Variants in VPS4A observed in about 807,000 individuals in gnomAD.
VPS4A encodes the protein vacuolar protein sorting 4 homolog A.
A neutral mutation model predicts 52.3 loss-of-function variants in VPS4A; 20 were observed. The observed-to-expected ratio is 0.38, with a 90% CI of 0.27 to 0.56. The LOEUF (loss-of-function observed/expected upper bound fraction) is 0.56. Among genes scored for constraint, VPS4A ranks in the 20% least tolerant of loss-of-function variants. The pLI, the probability that VPS4A is intolerant of heterozygous loss-of-function variation, is 0.72. For synonymous variants in VPS4A, 293 were observed against 227.7 expected (o/e 1.29, Z -2.58); for missense variants, 419 against 575.9 (o/e 0.73, Z 2.79).
chr16:69,325,676 T>C lies in VPS4A; in HGVS notation c.*1367T>C, dbSNP rs1597216605. On this transcript the variant is annotated 3_prime_UTR_variant, in exon 11 of 11. Coordinates refer to ENST00000254950, the MANE Select transcript of VPS4A (RefSeq NM_013245.3). ...TGAACCCGGGGGACGGAGCTTGCAG[T>C]GAGCCGAGATCGCGCCACTGCACTC... 6.8e-6 allele frequency: 1 copy of C among 147,090 alleles called. No homozygotes were observed. Among genetic ancestry groups the C allele is most frequent in the African/African-American group, 2.5e-5 (1 of 39,218 alleles). 9.1% of individuals were successfully genotyped at this position (147,090 alleles called of 1,614,324 possible).
At position 69,311,418 on chromosome 16, in the gene VPS4A, G is replaced by T; in HGVS notation, c.-94G>T. ...GCACCGCGCTCAGCGCCCACCGCCG[G>T]GCTTCCCGCGCCGGACCCAGTACCT... On this transcript the variant is annotated 5_prime_UTR_variant, in exon 1 of 11. Coordinates refer to ENST00000254950, the MANE Select transcript of VPS4A (RefSeq NM_013245.3). 1.7e-6 allele frequency: 2 copies of T among 1,211,824 alleles called. No homozygotes were observed. The highest frequency in any genetic ancestry group is 1.6e-5 in the African/African-American group (1 of 63,104). The allele number at this position is 1,211,824 out of a possible 1,614,324, so 75.1% of individuals were successfully genotyped here.
chr16:69,323,580 G>A lies in VPS4A; in HGVS notation c.1213-628G>A, dbSNP rs571408266. The A allele has an allele frequency of 8.8e-5, 40 of 453,902 alleles. No individual in the cohort carries two copies. In the East Asian group the frequency reaches 2.2e-3, roughly 24 times the overall value. 28.1% of individuals were successfully genotyped at this position (453,902 alleles called of 1,614,324 possible). On this transcript the variant is annotated intron_variant, in intron 10 of 10. Coordinates refer to ENST00000254950, the MANE Select transcript of VPS4A (RefSeq NM_013245.3). ...ACTGTGACGCAGTTGCAAAGGCAGC[G>A]CCTCACCTGCATAGCCTGGCCCGTG... is the stretch of plus-strand genomic sequence containing the variant.
At chr16:69,312,222 C>T (rs1386296822) in intron 1 of VPS4A, among the ~76,000 whole-genome samples, 1 of 151,900 alleles carries the variant, frequency 6.6e-6, no homozygotes, top group Non-Finnish European at 1.5e-5. Flanking sequence ...GTTTCCTGGT[C>T]TGTAAAATGG....
At chr16:69,319,314 G>C in intron 5 of VPS4A, 73 bp from the exon 6 acceptor site, 1 of 1,580,320 alleles carries the variant, frequency 6.3e-7, no homozygotes, top group East Asian at 2.2e-5. Flanking sequence ...GTATGTATGG[G>C]ACTCGAGACC....
Position 69,326,090 on chromosome 16 carries a change from A to T in VPS4A, c.*1781A>T, listed in dbSNP as rs1039027688. ...CAGAAAGACCTGGCCTAGTAAATGA[A>T]GCTTATAGCCTGCAAAGGGCTTTGT... On this transcript the variant is annotated 3_prime_UTR_variant, in exon 11 of 11. Transcript: ENST00000254950. The T allele has an allele frequency of 1.3e-5, 2 of 152,530 alleles. No homozygotes were observed. Among genetic ancestry groups the T allele is most frequent in the Admixed American group, 6.5e-5 (1 of 15,310 alleles). The allele number at this position is 152,530 out of a possible 1,614,324, so 9.4% of individuals were successfully genotyped here.
chr16:69,311,848 C>T (rs1597209927), intron 1 of VPS4A, among the ~76,000 whole-genome samples: 2 of 152,372 alleles, frequency 1.3e-5, no homozygotes, highest in Non-Finnish European at 2.9e-5. Flanking sequence ...AAGCTCGGCC[C>T]GGGGTCCGGC....
chr16:69,321,390 T>G lies in VPS4A; in HGVS notation c.1071+120T>G, dbSNP rs1965509826. ...CTCAGGTGACACAGTCTCTGAGGCCTCCTGGAGAGCCGAGGGCCAGTGCCA... is the reference window on the plus strand; with the variant it reads ...CTCAGGTGACACAGTCTCTGAGGCCGCCTGGAGAGCCGAGGGCCAGTGCCA... On this transcript the variant is annotated intron_variant, in intron 9 of 10. Coordinates refer to ENST00000254950, the MANE Select transcript of VPS4A (RefSeq NM_013245.3). This position sits in a 1 kb window ranked among gnomAD's most constrained non-coding sequence, Gnocchi z 4.5. 1.1e-5 allele frequency: 13 copies of G among 1,137,958 alleles called. No individual in the cohort carries two copies. Among genetic ancestry groups the G allele is most frequent in the Non-Finnish European group, 1.6e-5 (13 of 809,016 alleles). 70.5% of individuals were successfully genotyped at this position (1,137,958 alleles called of 1,614,324 possible).
Position 69,321,578 on chromosome 16 carries a change from TTG to T in VPS4A, c.1071+309_1071+310del, listed in dbSNP as rs1026320757. On this transcript the variant is annotated intron_variant, in intron 9 of 10. Coordinates refer to ENST00000254950, the MANE Select transcript of VPS4A (RefSeq NM_013245.3). This position sits in a 1 kb window ranked among gnomAD's most constrained non-coding sequence, Gnocchi z 4.5. ...TGCGGGGTGGACACCAAATCAGTGT[TTG>T]GAAAGTGTTGGATATAAAATGACCA... The T allele has an allele frequency of 5.4e-5, 21 of 389,666 alleles. No homozygotes were observed. Among genetic ancestry groups the T allele is most frequent in the Non-Finnish European group, 9.5e-5 (20 of 209,506 alleles). 24.1% of individuals were successfully genotyped at this position (389,666 alleles called of 1,614,324 possible).
At chr16:69,312,052 A>G (rs1660795321) in intron 1 of VPS4A, among the ~76,000 whole-genome samples, 1 of 152,140 alleles carries the variant, frequency 6.6e-6, no homozygotes, top group Non-Finnish European at 1.5e-5. Flanking sequence ...GGATGGCGCC[A>G]CCTGGGTGAA....
rs767605920 is a variant in VPS4A at position 69,322,537 on chromosome 16, C to G, written c.1072-23C>G. 1.6e-5 allele frequency: 25 copies of G among 1,603,392 alleles called. 1 individual carries two copies. The Middle Eastern group carries it at 2.6e-3, about 165-fold the overall frequency. On this transcript the variant is annotated intron_variant, in intron 9 of 10. Coordinates refer to ENST00000254950, the MANE Select transcript of VPS4A (RefSeq NM_013245.3). ...CTCTGACACTGAGGGGCAGCTGCCC[C>G]AGTCAGATCCATTTGGTTTCAGGTC...
In VPS4A at chr16:69,311,462, C is replaced by A; in HGVS notation, c.-50C>A. On this transcript the variant is annotated 5_prime_UTR_variant, in exon 1 of 11. Coordinates refer to ENST00000254950, the MANE Select transcript of VPS4A (RefSeq NM_013245.3). Reference sequence around the variant, plus strand: ...AGTACCTCGGCTCCCCGGGGCCGGACCGAGGCCGCAAGCAGCGCCGCGGGG... The same window carrying A: ...AGTACCTCGGCTCCCCGGGGCCGGAACGAGGCCGCAAGCAGCGCCGCGGGG... The A allele has an allele frequency of 7.8e-7, 1 of 1,280,580 alleles. No individual in the cohort carries two copies. The highest frequency in any genetic ancestry group is 1.0e-6 in the Non-Finnish European group (1 of 1,003,064). The allele number at this position is 1,280,580 out of a possible 1,614,324, so 79.3% of individuals were successfully genotyped here.
chr16:69,323,587 C>T (rs1214471524), intron 10 of VPS4A: 2 of 454,748 alleles, frequency 4.4e-6, no homozygotes, highest in East Asian at 1.4e-4. Context: ...AGCGCCTCAC[C>T]TGCATAGCCT....
intron 3 of VPS4A, among the ~76,000 whole-genome samples, chr16:69,317,155 G>A (rs753288127): frequency 2.6e-5 from 4 of 152,178 alleles, no homozygotes; most frequent in East Asian, 1.9e-4. Context: ...GAGGTCTGGC[G>A]AGGCAGGGGT....
intron 1 of VPS4A, 41 bp downstream of exon 1, chr16:69,311,573 AGCGGGGCCT>A: frequency 7.8e-7 from 1 of 1,273,914 alleles, no homozygotes; most frequent in Non-Finnish European, 1.0e-6. Flanking sequence ...GGCCGAAGGC[AGCGGGGCCT>A]GCGGGCCGCA....
chr16:69,319,086 C>A, intron 5 of VPS4A, 144 bp downstream of exon 5: 1 of 1,273,078 alleles, frequency 7.9e-7, no homozygotes, highest in Non-Finnish European at 1.1e-6. Flanking sequence ...GTGTCCACAA[C>A]ACTGCTGTGG....
chr16:69,322,839 G>A lies in VPS4A; in HGVS notation c.1212+139G>A, dbSNP rs2143269481. 2.7e-6 allele frequency: 3 copies of A among 1,098,458 alleles called. No individual in the cohort carries two copies. The South Asian group carries it at 5.6e-5, about 21-fold the overall frequency. 68.0% of individuals were successfully genotyped at this position (1,098,458 alleles called of 1,614,324 possible). On this transcript the variant is annotated intron_variant, in intron 10 of 10. Coordinates refer to ENST00000254950, the MANE Select transcript of VPS4A (RefSeq NM_013245.3). The stretch of plus-strand genomic sequence containing the variant: ...AATCCCAGCACTTTGGGAGGCCAGG[G>A]TGGGCAGATCACAAGGTTAGGAGTT...
At position 69,320,405 on chromosome 16, in the gene VPS4A, G is replaced by C; in HGVS notation, c.769+116G>C. 2 of 1,452,720 alleles carry C rather than the reference G, an allele frequency of 1.4e-6. No individual in the cohort carries two copies. Among genetic ancestry groups the C allele is most frequent in the Non-Finnish European group, 1.9e-6 (2 of 1,075,224 alleles). 90.0% of individuals were successfully genotyped at this position (1,452,720 alleles called of 1,614,324 possible). The stretch of plus-strand genomic sequence containing the variant: ...CTCAGCCTCGGAGAGGCACTCCCCA[G>C]CTCCAGCCCCTCAGGGCACGGGTGG... On this transcript the variant is annotated intron_variant, in intron 7 of 10. Transcript: ENST00000254950. This position sits in a 1 kb window ranked among gnomAD's most constrained non-coding sequence, Gnocchi z 4.2.
chr16:69,320,387 T>TCTC lies in VPS4A; in HGVS notation c.769+99_769+100insTCC. ...CGGCTGGATTTGGTTGTTCTCAGCC[T>TCTC]CGGAGAGGCACTCCCCAGCTCCAGC... On this transcript the variant is annotated intron_variant, in intron 7 of 10. Transcript: ENST00000254950. The surrounding 1 kb of genome is among the most constrained non-coding windows in gnomAD (Gnocchi z 4.2). 6.6e-7 allele frequency: 1 copy of TCTC among 1,521,392 alleles called. No individual in the cohort carries two copies. The highest frequency in any genetic ancestry group is 2.3e-5 in the East Asian group (1 of 43,708). The allele number at this position is 1,521,392 out of a possible 1,614,324, so 94.2% of individuals were successfully genotyped here. A position where few individuals can be genotyped will look rare whatever the true frequency, so the allele number is the denominator to read the frequency against.
chr16:69,319,821 G>C (rs1278778630), intron 6 of VPS4A, among the ~76,000 whole-genome samples: 1 of 152,160 alleles, frequency 6.6e-6, no homozygotes, highest in Non-Finnish European at 1.5e-5. Flanking sequence ...GCAGTGTGTG[G>C]GGGACATGGT....
Sources: gnomAD v4.1 joint callset for allele counts (sites outside exome capture counted in the v4.1 genomes callset) on GRCh38, gnomAD v4.1.1 for gene constraint, Gnocchi (gnomAD v3.1) non-coding constraint, MANE v1.5 for transcripts, NCBI Gene and HGNC (gene_info 2026-07-23, HGNC 2026-07-21) for gene names.